Variants in ESF1 observed in about 807,000 individuals in gnomAD.
ESF1 encodes the protein ESF1 nucleolar pre-rRNA processing protein.
Under a neutral mutation model 92.0 loss-of-function variants are expected in ESF1, and 58 were observed. The ratio of observed to expected loss-of-function variants is 0.63; its 90% CI spans 0.51 to 0.78. The LOEUF (loss-of-function observed/expected upper bound fraction) is 0.78, where lower values mean the gene tolerates loss of function less well. Ranked by LOEUF, ESF1 falls within the 30% of genes least tolerant of loss-of-function variation. ESF1 has a pLI of 0.00. For missense variants in ESF1, 922 were observed against 989.1 expected, an observed-to-expected ratio of 0.93 and a Z score of 0.91; for synonymous variants, 321 against 313.7, an observed-to-expected ratio of 1.02 and a Z score of -0.24.
At chr20:13,773,157 G>A (rs758852490) in intron 4 of ESF1, among the ~76,000 whole-genome samples, 1 of 152,164 alleles carries the variant, frequency 6.6e-6, no homozygotes. Context: ...ACCAGGTGTG[G>A]TATCTTCTAA....
Position 13,714,499 on chromosome 20 carries a change from T to A in ESF1, c.*375A>T, listed in dbSNP as rs897287050. 2.6e-5 allele frequency: 4 copies of A among 153,624 alleles called. No homozygotes were observed. The highest frequency in any genetic ancestry group is 9.6e-5 in the African/African-American group (4 of 41,472). 9.5% of individuals were successfully genotyped at this position (153,624 alleles called of 1,614,324 possible). A position where few individuals can be genotyped will look rare whatever the true frequency, so the allele number is the denominator to read the frequency against. On this transcript the variant is annotated 3_prime_UTR_variant, in exon 14 of 14. Coordinates refer to ENST00000617257, the MANE Select transcript of ESF1 (RefSeq NM_001276380.2). The stretch of plus-strand genomic sequence containing the variant: ...AAATTAATGTATTAAATATATATAT[T>A]TTTCAAATTATCCCTAACATTTACA...
chr20:13,762,820 G>A (rs1005105999), intron 8 of ESF1: 1 of 358,710 alleles, frequency 2.8e-6, no homozygotes, highest in Non-Finnish European at 5.3e-6. Context: ...AAAAAACTTG[G>A]TGTATCTCAA....
intron 11 of ESF1, among the ~76,000 whole-genome samples, chr20:13,727,120 G>A (rs754480056): frequency 2.5e-4 from 38 of 152,160 alleles, no homozygotes; most frequent in Admixed American, 8.5e-4. Context: ...TCTGCAATTT[G>A]ACCAGACTTC....
chr20:13,767,610 G>A (rs1241804542), intron 7 of ESF1, among the ~76,000 whole-genome samples: 2 of 151,710 alleles, frequency 1.3e-5, no homozygotes, highest in Non-Finnish European at 2.9e-5. Context: ...CAGGAAATCT[G>A]CAAACTATAT....
intron 9 of ESF1, among the ~76,000 whole-genome samples, chr20:13,756,188 T>A (rs1452008283): frequency 6.6e-6 from 1 of 152,206 alleles, no homozygotes; most frequent in Non-Finnish European, 1.5e-5. Flanking sequence ...CCAATTTCCA[T>A]ATGAATAAAC....
chr20:13,742,219 T>G (rs905862068), intron 9 of ESF1, among the ~76,000 whole-genome samples: 13 of 151,964 alleles, frequency 8.6e-5, no homozygotes, highest in Admixed American at 2.6e-4. Context: ...ATACAAAAAA[T>G]TAGCCGGGTG....
intron 9 of ESF1, among the ~76,000 whole-genome samples, chr20:13,743,385 T>C (rs531113424): frequency 1.9e-4 from 29 of 152,258 alleles, no homozygotes; most frequent in South Asian, 4.1e-4. Flanking sequence ...TGGGTATATA[T>C]CCAAAGGAAA....
intron 6 of ESF1, among the ~76,000 whole-genome samples, chr20:13,771,084 C>T (rs888553907): frequency 1.3e-5 from 2 of 152,126 alleles, no homozygotes; most frequent in African/African-American, 2.4e-5. Flanking sequence ...GTGTAAGGTA[C>T]ACCATCTTAA....
intron 11 of ESF1, among the ~76,000 whole-genome samples, chr20:13,721,122 C>T (rs548847210): frequency 2.0e-5 from 3 of 150,820 alleles, no homozygotes; most frequent in Admixed American, 6.6e-5. Flanking sequence ...GACTCTGTCT[C>T]GATAAAAAAA....
At chr20:13,721,810 C>T (rs1158314869) in intron 11 of ESF1, among the ~76,000 whole-genome samples, 2 of 152,116 alleles carry the variant, frequency 1.3e-5, no homozygotes, top group Admixed American at 1.3e-4. Context: ...TGTATGCAGC[C>T]CTTCTCCCTA....
At chr20:13,762,371 T>A (rs1979237988) in intron 8 of ESF1, among the ~76,000 whole-genome samples, 1 of 152,232 alleles carries the variant, frequency 6.6e-6, no homozygotes, top group Non-Finnish European at 1.5e-5. Context: ...CGTAATTCAA[T>A]GGATAAAACA....
At chr20:13,721,429 A>T (rs889980640) in intron 11 of ESF1, among the ~76,000 whole-genome samples, 7 of 152,102 alleles carry the variant, frequency 4.6e-5, no homozygotes, top group Non-Finnish European at 8.8e-5. Context: ...AGGGTTGGAG[A>T]CTGAATGAGG....
At chr20:13,733,169 A>G (rs2049954957) in intron 10 of ESF1, among the ~76,000 whole-genome samples, 1 of 151,968 alleles carries the variant, frequency 6.6e-6, no homozygotes, top group South Asian at 2.1e-4. Context: ...CAGGTGATCC[A>G]CCTGCCTTGG....
chr20:13,740,621 T>C (rs1194225010), intron 9 of ESF1, among the ~76,000 whole-genome samples: 2 of 152,190 alleles, frequency 1.3e-5, no homozygotes, highest in African/African-American at 2.4e-5. Flanking sequence ...GGAAAAGTTT[T>C]CAGAACTAAC....
At chr20:13,784,349 C>T (rs1210059229) in intron 1 of ESF1, among the ~76,000 whole-genome samples, 1 of 147,990 alleles carries the variant, frequency 6.8e-6, no homozygotes, top group Non-Finnish European at 1.5e-5. Flanking sequence ...TTTAATTACA[C>T]TAACTAGGAA....
intron 9 of ESF1, among the ~76,000 whole-genome samples, chr20:13,749,005 T>C (rs1360125273): frequency 6.6e-6 from 1 of 152,160 alleles, no homozygotes; most frequent in Non-Finnish European, 1.5e-5. Flanking sequence ...TATTTTATGA[T>C]GCTCTAAGCT....
At chr20:13,768,853 C>T (rs375536072) in intron 7 of ESF1, among the ~76,000 whole-genome samples, 346 of 146,354 alleles carry the variant, frequency 2.4e-3, no homozygotes, top group Non-Finnish European at 4.0e-3. Context: ...GCAGAGATCG[C>T]GCCACTGCAC....
intron 9 of ESF1, among the ~76,000 whole-genome samples, chr20:13,737,944 C>T (rs1378178550): frequency 1.3e-5 from 2 of 152,204 alleles, no homozygotes; most frequent in African/African-American, 4.8e-5. Context: ...GCATGAGCCA[C>T]CACACTTGGC....
intron 11 of ESF1, among the ~76,000 whole-genome samples, chr20:13,724,943 C>T (rs2049891237): frequency 6.6e-6 from 1 of 152,148 alleles, no homozygotes; most frequent in Non-Finnish European, 1.5e-5. Context: ...TCTTTCTCTG[C>T]CTAGGCCTCC....
Sources: allele counts gnomAD v4.1 joint callset (sites outside exome capture counted in the v4.1 genomes callset), GRCh38; gene constraint gnomAD v4.1.1; transcripts MANE v1.5; gene names NCBI Gene and HGNC (gene_info 2026-07-23, HGNC 2026-07-21).